The following PRR5 variants were observed in gnomAD, a reference collection of about 807,000 sequenced individuals.
The protein encoded by PRR5 is proline-rich protein 5.
Under a neutral mutation model 30.6 loss-of-function variants are expected in PRR5, and 25 were observed. The ratio of observed to expected loss-of-function variants is 0.82; its 90% confidence interval spans 0.60 to 1.14. PRR5 has a LOEUF of 1.14. PRR5 is among the 50% of genes most tolerant of loss of function. The probability of loss-of-function intolerance (pLI) is 0.00; values close to 1 mark genes in which losing one functional copy is unlikely to be tolerated. For missense variants in PRR5, 600 were observed against 547.1 expected, an observed-to-expected ratio of 1.10 and a Z score of -0.96; for synonymous variants, 286 against 247.1, an observed-to-expected ratio of 1.16 and a Z score of -1.48.
At chr22:44,730,785 C>G (rs1017443304) in intron 4 of PRR5, 1 of 638,370 alleles carries the variant, frequency 1.6e-6, no homozygotes, top group Non-Finnish European at 2.2e-6. Flanking sequence ...CAGACCTGAC[C>G]ACAGGCAGAG....
At chr22:44,702,143 C>G, upstream of PRR5, 1 of 262,860 alleles carries the variant, frequency 3.8e-6, no homozygotes, top group Non-Finnish European at 6.2e-6. Flanking sequence ...CCGCCCCCTT[C>G]CCCGCCCCGC....
intron 4 of PRR5, chr22:44,730,664 C>T: frequency 3.8e-6 from 4 of 1,040,444 alleles, no homozygotes; most frequent in Non-Finnish European, 4.7e-6. Context: ...AGCCCAGCTC[C>T]TATAGCCAGC....
At chr22:44,678,075 C>T (rs955871462) in intron 1 of PRR5, among the ~76,000 whole-genome samples, 3 of 152,178 alleles carry the variant, frequency 2.0e-5, no homozygotes, top group Non-Finnish European at 4.4e-5. Flanking sequence ...TACCCAGAGT[C>T]ACGCGTGCAG....
chr22:44,675,125 C>T (rs1923656647), upstream of PRR5, among the ~76,000 whole-genome samples: 1 of 150,706 alleles, frequency 6.6e-6, no homozygotes, highest in South Asian at 2.1e-4. Flanking sequence ...TGGCAGTCGC[C>T]TGTAGTCCCA....
upstream of PRR5, among the ~76,000 whole-genome samples, chr22:44,699,806 AG>A (rs1569077842): frequency 6.6e-6 from 1 of 152,240 alleles, no homozygotes; most frequent in Non-Finnish European, 1.5e-5. Context: ...CCGCAGCTGG[AG>A]GGCAAGCAGG....
intron 2 of PRR5, among the ~76,000 whole-genome samples, chr22:44,723,681 C>T (rs1332528746): frequency 2.0e-5 from 3 of 152,218 alleles, no homozygotes; most frequent in South Asian, 2.1e-4. Flanking sequence ...GATCGCACCA[C>T]TGCACTCCAG....
chr22:44,670,654 G>A (rs866367025), intron 1 of PRR5, among the ~76,000 whole-genome samples: 5 of 152,182 alleles, frequency 3.3e-5, no homozygotes, highest in East Asian at 1.9e-4. Context: ...ATTCCTCACC[G>A]GCAGGGAAAG....
At chr22:44,734,899 G>T (rs990324389) in intron 6 of PRR5, 128 bp from the exon 7 acceptor site, 1 of 1,322,038 alleles carries the variant, frequency 7.6e-7, no homozygotes, top group Non-Finnish European at 1.0e-6. Flanking sequence ...TGGGGACAGA[G>T]AGCCTGTGGG....
At chr22:44,724,872 C>T (rs542241545) in intron 2 of PRR5, among the ~76,000 whole-genome samples, 1 of 152,356 alleles carries the variant, frequency 6.6e-6, no homozygotes, top group South Asian at 2.1e-4. Context: ...CCCGTGGCAT[C>T]CGGGATTTGG....
upstream of PRR5, among the ~76,000 whole-genome samples, chr22:44,676,424 GA>G (rs1241866654): frequency 1.6e-4 from 22 of 135,828 alleles, no homozygotes; most frequent in South Asian, 3.2e-3. Flanking sequence ...AAGAAAGAAA[GA>G]AAAGAGAAGA....
chr22:44,698,533 C>T (rs775801121), upstream of PRR5, among the ~76,000 whole-genome samples: 116 of 152,168 alleles, frequency 7.6e-4, no homozygotes, highest in Admixed American at 1.6e-3. Flanking sequence ...CAGGGTACCC[C>T]GCCACAATAC....
intron 1 of PRR5, among the ~76,000 whole-genome samples, chr22:44,694,128 A>G (rs4823364): frequency 0.6 from 91,664 of 152,048 alleles, 28,136 homozygotes; most frequent in South Asian, 0.81. Flanking sequence ...AAGGACGGCC[A>G]AGAAGGGCCA....
At chr22:44,730,326 G>T (rs1317257548) in intron 4 of PRR5, 2 of 985,186 alleles carry the variant, frequency 2.0e-6, no homozygotes, top group African/African-American at 1.7e-5. Flanking sequence ...GATCTCTCTC[G>T]CCAGTTGTTC....
intron 2 of PRR5, among the ~76,000 whole-genome samples, chr22:44,715,272 C>G (rs553806024): frequency 1.3e-5 from 2 of 152,240 alleles, no homozygotes; most frequent in African/African-American, 4.8e-5. Flanking sequence ...GTGACTCGCC[C>G]CAGATCACAC....
chr22:44,705,441 A>G (rs1040646312), intron 1 of PRR5, among the ~76,000 whole-genome samples: 6 of 151,644 alleles, frequency 4.0e-5, no homozygotes, highest in African/African-American at 1.2e-4. Flanking sequence ...CTCCTTCCTC[A>G]GCCTCTGGAG....
intron 2 of PRR5, among the ~76,000 whole-genome samples, chr22:44,715,143 C>T (rs905309475): frequency 3.3e-5 from 5 of 152,140 alleles, no homozygotes; most frequent in Admixed American, 6.5e-5. Flanking sequence ...ATGAGGATTG[C>T]GAAGCAGCAG....
intron 6 of PRR5, among the ~76,000 whole-genome samples, chr22:44,733,136 G>A (rs1182146861): frequency 2.0e-5 from 3 of 152,274 alleles, no homozygotes; most frequent in African/African-American, 4.8e-5. Context: ...CACTCTGAGA[G>A]CTGTTAGCCC....
intron 4 of PRR5, chr22:44,730,198 A>C (rs973685375): frequency 1.2e-5 from 12 of 985,392 alleles, no homozygotes; most frequent in Non-Finnish European, 1.3e-5. Flanking sequence ...AGAAAAAGGC[A>C]AAGGTCCCTG....
chr22:44,722,828 T>C (rs1930139079), intron 2 of PRR5, among the ~76,000 whole-genome samples: 1 of 152,162 alleles, frequency 6.6e-6, no homozygotes, highest in African/African-American at 2.4e-5. Context: ...GCAAGCCTTA[T>C]TTGGGCTTTT....
Sources: allele counts gnomAD v4.1 joint callset (sites outside exome capture counted in the v4.1 genomes callset), GRCh38; gene constraint gnomAD v4.1.1; transcripts MANE v1.5; gene names NCBI Gene and HGNC (gene_info 2026-07-23, HGNC 2026-07-21).